Variants in CAMK2A observed in about 807,000 individuals in gnomAD.
CAMK2A encodes calcium/calmodulin dependent protein kinase II alpha, also known as calcium/calmodulin-dependent protein kinase type II subunit alpha.
Under a neutral mutation model 79.2 loss-of-function variants are expected in CAMK2A, and 7 were observed. The observed-to-expected ratio is 0.09, with a 90% CI of 0.05 to 0.17. The LOEUF (loss-of-function observed/expected upper bound fraction) is 0.17, where lower values mean the gene tolerates loss of function less well. Ranked by LOEUF, CAMK2A falls within the 10% of genes least tolerant of loss-of-function variation. CAMK2A has a pLI of 1.00. For synonymous variants in CAMK2A, 242 were observed against 251.7 expected, an observed-to-expected ratio of 0.96 and a Z score of 0.36; for missense variants, 214 against 646.4, an observed-to-expected ratio of 0.33 and a Z score of 7.25.
intron 16 of CAMK2A, 101 bp from the exon 17 acceptor site, chr5:150,228,387 G>A: frequency 1.3e-6 from 1 of 779,860 alleles, no homozygotes; most frequent in Non-Finnish European, 2.1e-6. Context: ...CTACCTCACA[G>A]GATCATTGAA....
chr5:150,273,234 A>G, intron 1 of CAMK2A, 75 bp from the exon 2 acceptor site: 1 of 1,100,946 alleles, frequency 9.1e-7, no homozygotes, highest in South Asian at 1.3e-5. Flanking sequence ...TGGAGTTCAC[A>G]TCACTGCCCC....
At chr5:150,287,949 G>A (rs1757495859) in intron 1 of CAMK2A, among the ~76,000 whole-genome samples, 1 of 150,930 alleles carries the variant, frequency 6.6e-6, no homozygotes. Flanking sequence ...GTGTGTGTGT[G>A]TGTGTGTGTG....
At chr5:150,261,034 T>C (rs1756284966) in intron 3 of CAMK2A, among the ~76,000 whole-genome samples, 1 of 152,036 alleles carries the variant, frequency 6.6e-6, no homozygotes, top group Admixed American at 6.5e-5. Context: ...ACAAGAAGAC[T>C]GGAGTCCCAG....
chr5:150,236,455 A>AT (rs1755064437), intron 15 of CAMK2A, among the ~76,000 whole-genome samples: 1 of 152,202 alleles, frequency 6.6e-6, no homozygotes, highest in African/African-American at 2.4e-5. Context: ...GCATCTTCTC[A>AT]TTTCATCTGC....
At chr5:150,272,928 C>A in intron 2 of CAMK2A, 137 bp downstream of exon 2, 1 of 679,228 alleles carries the variant, frequency 1.5e-6, no homozygotes, top group Non-Finnish European at 2.6e-6. Flanking sequence ...CATGACACCC[C>A]GGGAAGAGCA....
intron 1 of CAMK2A, among the ~76,000 whole-genome samples, chr5:150,275,918 C>T (rs576810301): frequency 6.6e-6 from 1 of 152,198 alleles, no homozygotes; most frequent in East Asian, 1.9e-4. Flanking sequence ...CCCAGCCCCC[C>T]TCCCCTCCCT....
chr5:150,268,924 C>T (rs545695798), intron 2 of CAMK2A, among the ~76,000 whole-genome samples: 6 of 152,022 alleles, frequency 3.9e-5, no homozygotes, highest in East Asian at 3.9e-4. Context: ...CCACCATGCC[C>T]GGCTAATTTT....
intron 6 of CAMK2A, among the ~76,000 whole-genome samples, chr5:150,254,482 C>G (rs1755968368): frequency 6.6e-6 from 1 of 152,210 alleles, no homozygotes; most frequent in Admixed American, 6.5e-5. Context: ...AAGTCTGACT[C>G]TATCTTAACT....
upstream of CAMK2A, chr5:150,289,816 C>T: frequency 5.4e-6 from 3 of 554,768 alleles, no homozygotes; most frequent in Non-Finnish European, 9.6e-6. Context: ...GAGCCTTCGT[C>T]AGCATCCAGG....
chr5:150,220,922 A>C lies in CAMK2A; in HGVS notation c.*1788T>G, dbSNP rs1754276045. ...AGAAAATCTCGGATCAAACATCCTC[A>C]CCAGTTCTGCTCCAACCAACACCCA... On this transcript the variant is annotated 3_prime_UTR_variant, in exon 19 of 19. Transcript: ENST00000671881. 6.6e-6 allele frequency: 1 copy of C among 152,248 alleles called. No individual in the cohort carries two copies. Among genetic ancestry groups the C allele is most frequent in the South Asian group, 2.1e-4 (1 of 4,828 alleles). The allele number at this position is 152,248 out of a possible 1,614,324, so 9.4% of individuals were successfully genotyped here. A position where few individuals can be genotyped will look rare whatever the true frequency, so the allele number is the denominator to read the frequency against.
Position 150,223,743 on chromosome 5 carries a change from TGTGA to T in CAMK2A, c.1238-530_1238-527del, listed in dbSNP as rs745684883. On this transcript the variant is annotated intron_variant, in intron 17 of 18. Transcript: ENST00000671881. The surrounding 1 kb of genome is among the most constrained non-coding windows in gnomAD (Gnocchi z 4.1). ...CACACAGCTTCCCTGGTGGTTGCCATGTGAGTGAGACCAGTGTTGACGTGCCTCG... is the reference window on the plus strand; with the variant it reads ...CACACAGCTTCCCTGGTGGTTGCCATGTGAGACCAGTGTTGACGTGCCTCG... Among the ~76,000 whole-genome samples, 5 of 152,206 alleles carry T rather than the reference TGTGA, an allele frequency of 3.3e-5. No homozygotes were observed. The highest frequency in any genetic ancestry group is 6.5e-5 in the Admixed American group (1 of 15,284).
At chr5:150,247,569 G>A (rs1220919728) in intron 12 of CAMK2A, among the ~76,000 whole-genome samples, 2 of 152,192 alleles carry the variant, frequency 1.3e-5, no homozygotes, top group Non-Finnish European at 2.9e-5. Context: ...CAGTCCTGGT[G>A]GGCCCTGGGC....
intron 9 of CAMK2A, 74 bp from the exon 10 acceptor site, chr5:150,250,884 G>A: frequency 6.5e-7 from 1 of 1,545,204 alleles, no homozygotes; most frequent in Admixed American, 1.7e-5. Flanking sequence ...CCCCTGACTG[G>A]CAGGGGAGCA....
intron 15 of CAMK2A, among the ~76,000 whole-genome samples, chr5:150,236,180 A>C (rs551485509): frequency 6.6e-6 from 1 of 152,336 alleles, no homozygotes; most frequent in Non-Finnish European, 1.5e-5. Context: ...TCAGGGATGC[A>C]GCCCAAAGCC....
chr5:150,267,368 A>G (rs1439530767), intron 2 of CAMK2A, among the ~76,000 whole-genome samples: 3 of 152,264 alleles, frequency 2.0e-5, no homozygotes, highest in African/African-American at 7.2e-5. Flanking sequence ...CTATACATTC[A>G]GGAAGCAGAA....
chr5:150,289,861 C>T, upstream of CAMK2A: 1 of 536,400 alleles, frequency 1.9e-6, no homozygotes, highest in Non-Finnish European at 3.3e-6. Context: ...CGCCCTGTTC[C>T]CGTTGCCCCG....
chr5:150,271,468 C>T (rs971212461), intron 2 of CAMK2A, among the ~76,000 whole-genome samples: 2 of 152,212 alleles, frequency 1.3e-5, no homozygotes, highest in African/African-American at 4.8e-5. Flanking sequence ...CGGGGAGCAG[C>T]ATGAGCCTCC....
intron 14 of CAMK2A, among the ~76,000 whole-genome samples, chr5:150,239,176 CTGAG>C (rs1340971201): frequency 3.3e-5 from 5 of 152,086 alleles, no homozygotes; most frequent in Non-Finnish European, 7.4e-5. Context: ...AACCACACGA[CTGAG>C]TGAGACAGCG....
intron 3 of CAMK2A, among the ~76,000 whole-genome samples, chr5:150,257,950 T>TA (rs1756133115): frequency 1.3e-5 from 2 of 152,244 alleles, no homozygotes; most frequent in African/African-American, 4.8e-5. Flanking sequence ...CTCTGCCACT[T>TA]ACTAGCCGTG....
Sources: gnomAD v4.1 joint callset for allele counts (sites outside exome capture counted in the v4.1 genomes callset) on GRCh38, gnomAD v4.1.1 for gene constraint, Gnocchi (gnomAD v3.1) non-coding constraint, MANE v1.5 for transcripts, NCBI Gene and HGNC (gene_info 2026-07-23, HGNC 2026-07-21) for gene names.